Variants in DENND1A observed in about 807,000 individuals in gnomAD.
DENND1A encodes DENN domain containing 1A, also known as DENN domain-containing protein 1A.
A neutral mutation model predicts 113.7 loss-of-function variants in DENND1A; 51 were observed. The observed-to-expected ratio is 0.45, with a 90% confidence interval of 0.36 to 0.57. The LOEUF is 0.57. DENND1A is among the 20% of genes least tolerant of loss of function. The probability of loss-of-function intolerance (pLI) is 0.00; values close to 1 mark genes in which losing one functional copy is unlikely to be tolerated. For missense variants in DENND1A, 1,258 were observed against 1,395.9 expected (o/e 0.90, Z 1.57); for synonymous variants, 565 against 570.8 (o/e 0.99, Z 0.14).
At chr9:123,921,706 A>G (rs941955998) in intron 1 of DENND1A, among the ~76,000 whole-genome samples, 4 of 152,224 alleles carry the variant, frequency 2.6e-5, no homozygotes, top group Admixed American at 1.3e-4. Context: ...TCCATTCTCA[A>G]TGCAGACTAA....
chr9:123,490,688 A>C (rs958375049), intron 13 of DENND1A, among the ~76,000 whole-genome samples: 1 of 152,242 alleles, frequency 6.6e-6, no homozygotes, highest in Non-Finnish European at 1.5e-5. Flanking sequence ...AAAAAAAACA[A>C]GGTAAATTAA....
intron 1 of DENND1A, among the ~76,000 whole-genome samples, chr9:123,892,887 C>A (rs780026294): frequency 2.6e-5 from 4 of 152,070 alleles, no homozygotes; most frequent in Non-Finnish European, 5.9e-5. Flanking sequence ...GTGGCTGAGG[C>A]AGGAGAATTG....
intron 3 of DENND1A, among the ~76,000 whole-genome samples, chr9:123,787,583 A>C (rs557322365): frequency 6.6e-6 from 1 of 152,336 alleles, no homozygotes; most frequent in African/African-American, 2.4e-5. Flanking sequence ...AGCATACCTC[A>C]AGCATGAACA....
At chr9:123,544,786 A>C (rs1476736662) in intron 13 of DENND1A, among the ~76,000 whole-genome samples, 1 of 152,182 alleles carries the variant, frequency 6.6e-6, no homozygotes, top group Non-Finnish European at 1.5e-5. Flanking sequence ...TAGCTTCCAA[A>C]CAACTAAGGA....
chr9:123,538,981 G>A (rs890146821), intron 13 of DENND1A, among the ~76,000 whole-genome samples: 24 of 151,112 alleles, frequency 1.6e-4, no homozygotes, highest in Admixed American at 1.3e-3. Flanking sequence ...TTTTGCTTTG[G>A]CTTGTATGAA....
At chr9:123,493,863 A>C (rs1040914680) in intron 13 of DENND1A, among the ~76,000 whole-genome samples, 2 of 152,146 alleles carry the variant, frequency 1.3e-5, no homozygotes, top group Non-Finnish European at 2.9e-5. Context: ...TTGCTTCACC[A>C]ATAGCTTCTG....
chr9:123,535,076 T>C (rs994157112), intron 13 of DENND1A, among the ~76,000 whole-genome samples: 1 of 152,092 alleles, frequency 6.6e-6, no homozygotes, highest in African/African-American at 2.4e-5. Context: ...TCTACCCAAA[T>C]AACACCCCAA....
intron 5 of DENND1A, among the ~76,000 whole-genome samples, chr9:123,703,820 T>C (rs909634990): frequency 1.3e-5 from 2 of 151,866 alleles, no homozygotes; most frequent in Non-Finnish European, 2.9e-5. Flanking sequence ...GAGGTTGGGG[T>C]GACTAAAAAG....
At chr9:123,805,822 G>A (rs1835453437) in intron 2 of DENND1A, among the ~76,000 whole-genome samples, 3 of 152,200 alleles carry the variant, frequency 2.0e-5, no homozygotes, top group Non-Finnish European at 4.4e-5. Context: ...AGCCACCCAT[G>A]TGGACAATCT....
chr9:123,834,923 T>G (rs1840824748), intron 2 of DENND1A, among the ~76,000 whole-genome samples: 1 of 152,170 alleles, frequency 6.6e-6, no homozygotes, highest in Non-Finnish European at 1.5e-5. Context: ...GAGGTAGTTT[T>G]TCATGAGATA....
At chr9:123,429,720 T>C (rs568398133) in intron 19 of DENND1A, among the ~76,000 whole-genome samples, 1 of 152,180 alleles carries the variant, frequency 6.6e-6, no homozygotes, top group Non-Finnish European at 1.5e-5. Context: ...GACCTAATTG[T>C]ATAATGCAAA....
At position 123,382,098 on chromosome 9, in the gene DENND1A, C is replaced by T. The variant is rs754603227; in HGVS notation, c.2547G>A (p.Pro849=). 31 of 1,549,598 alleles carry T rather than the reference C, an allele frequency of 2.0e-5. No individual in the cohort carries two copies. Among genetic ancestry groups the T allele is most frequent in the South Asian group, 2.5e-5 (2 of 80,610 alleles). ...TGCTGCCTGACCAGGCTGTGCTGAGCGGGTCCAGGAGGGCGAGCAGGGCGT... is the reference window on the plus strand; with the variant it reads ...TGCTGCCTGACCAGGCTGTGCTGAGTGGGTCCAGGAGGGCGAGCAGGGCGT... ...SSDALLALLD[P]LSTAWSGSTL... is the part of the protein sequence containing the mutation. The change falls in exon 24 of 24, where the codon CCG becomes CCA. Residue 849 remains proline, a synonymous_variant. Coordinates refer to ENST00000394215, the MANE Select transcript of DENND1A (RefSeq NM_001352964.2).
rs530696863 is a variant in DENND1A at position 123,726,649 on chromosome 9, T to C, written c.302+31054A>G. On this transcript the variant is annotated intron_variant, in intron 5 of 23. Coordinates refer to ENST00000394215, the MANE Select transcript of DENND1A (RefSeq NM_001352964.2). ...GTGTGAAATTTGCTCCCTGGTATCA[T>C]AGAAGAGGTATACAGTACTTGGGTA... 2.9e-4 allele frequency among the ~76,000 whole-genome samples: 44 copies of C among 152,308 alleles called. No homozygotes were observed. The South Asian group carries it at 6.2e-3, about 22-fold the overall frequency.
chr9:123,892,385 A>G (rs1203644885), intron 1 of DENND1A, among the ~76,000 whole-genome samples: 1 of 152,232 alleles, frequency 6.6e-6, no homozygotes, highest in Non-Finnish European at 1.5e-5. Flanking sequence ...AACCTTAAAA[A>G]GCAAGACTCG....
intron 2 of DENND1A, among the ~76,000 whole-genome samples, chr9:123,805,246 C>T (rs1447171340): frequency 6.6e-6 from 1 of 152,094 alleles, no homozygotes; most frequent in African/African-American, 2.4e-5. Flanking sequence ...TAGTGCATTT[C>T]ACCATGCAAC....
At position 123,574,153 on chromosome 9, in the gene DENND1A, C is replaced by G. The variant is rs75539889; in HGVS notation, c.867+9016G>C. On this transcript the variant is annotated intron_variant, in intron 12 of 23. Coordinates refer to ENST00000394215, the MANE Select transcript of DENND1A (RefSeq NM_001352964.2). ...AATATATTGTTAAAGATTTTTGCAT[C>G]TATATTGGTCTGTAGTTGCCTTTTT... is the stretch of plus-strand genomic sequence containing the variant. Among the ~76,000 whole-genome samples the G allele has an allele frequency of 4.6e-3, 589 of 129,416 alleles. 24 individuals are homozygous for G. Among genetic ancestry groups the G allele is most frequent in the Admixed American group, 0.039 (528 of 13,370 alleles). 84.9% of individuals were successfully genotyped at this position (129,416 alleles called of 152,430 possible). A position where few individuals can be genotyped will look rare whatever the true frequency, so the allele number is the denominator to read the frequency against.
At chr9:123,915,924 A>T (rs1307379250) in intron 1 of DENND1A, among the ~76,000 whole-genome samples, 1 of 152,202 alleles carries the variant, frequency 6.6e-6, no homozygotes, top group African/African-American at 2.4e-5. Context: ...GACAACAAGC[A>T]TTCTCGTGTG....
chr9:123,652,222 T>C (rs550776513), intron 8 of DENND1A, 99 bp from the exon 9 acceptor site: 2 of 1,021,988 alleles, frequency 2.0e-6, no homozygotes, highest in African/African-American at 1.6e-5. Context: ...AATCAGAAAG[T>C]ATACTCTGTT....
intron 21 of DENND1A, 33 bp downstream of exon 21, chr9:123,403,369 C>G: frequency 1.2e-6 from 2 of 1,610,844 alleles, no homozygotes; most frequent in Non-Finnish European, 1.7e-6. Context: ...ACACAGGGTT[C>G]TTACAGACAG....
Sources: allele counts gnomAD v4.1 joint callset (sites outside exome capture counted in the v4.1 genomes callset), GRCh38; gene constraint gnomAD v4.1.1; transcripts MANE v1.5; gene names NCBI Gene and HGNC (gene_info 2026-07-23, HGNC 2026-07-21).